RGS6: variants seen among roughly 807,000 people sequenced by gnomAD.
RGS6 encodes regulator of G protein signaling 6.
In RGS6, 30 loss-of-function variants were observed where a neutral mutation model predicts 78.5. That is an observed-to-expected ratio of 0.38 (90% CI 0.29 to 0.52). The LOEUF (loss-of-function observed/expected upper bound fraction) is 0.52, where lower values mean the gene tolerates loss of function less well. RGS6 is among the 20% of genes least tolerant of loss of function. The pLI is 0.85. For missense variants in RGS6, 495 were observed against 609.7 expected, an observed-to-expected ratio of 0.81 and a Z score of 1.98; for synonymous variants, 206 against 206.0, an observed-to-expected ratio of 1.00 and a Z score of 0.00.
intron 2 of RGS6, among the ~76,000 whole-genome samples, chr14:72,329,524 G>C (rs2074530302): frequency 6.6e-6 from 1 of 152,242 alleles, no homozygotes. Flanking sequence ...GTCCTGAGTA[G>C]GCTTAAACTG....
At chr14:71,963,516 C>G (rs991177798) in intron 1 of RGS6, among the ~76,000 whole-genome samples, 2 of 152,156 alleles carry the variant, frequency 1.3e-5, no homozygotes, top group Non-Finnish European at 2.9e-5. Flanking sequence ...ATTCCATCCT[C>G]CCTGCAGCTA....
intron 2 of RGS6, among the ~76,000 whole-genome samples, chr14:72,123,910 A>G (rs2096122344): frequency 6.6e-6 from 1 of 152,200 alleles, no homozygotes; most frequent in Admixed American, 6.6e-5. Flanking sequence ...TCATTTGCTG[A>G]AGGACTGAGT....
intron 2 of RGS6, among the ~76,000 whole-genome samples, chr14:72,215,816 A>G (rs1567493286): frequency 6.6e-6 from 1 of 152,238 alleles, no homozygotes; most frequent in East Asian, 1.9e-4. Context: ...TAAGAACATA[A>G]AGTACATTGA....
chr14:72,517,553 A>T (rs4903030), intron 14 of RGS6, among the ~76,000 whole-genome samples: 85,877 of 152,086 alleles, frequency 0.56, 25,319 homozygotes, highest in East Asian at 0.88. Context: ...TCTTGCTCTC[A>T]GCAGAAGGAG....
the RGS6 span, among the ~76,000 whole-genome samples, chr14:71,924,906 A>T: frequency 1.3e-5 from 2 of 152,228 alleles, no homozygotes; most frequent in Non-Finnish European, 2.9e-5. Context: ...TCTCTTCAGC[A>T]TCATGGATTT....
At chr14:72,359,153 G>A (rs1211606474) in intron 3 of RGS6, among the ~76,000 whole-genome samples, 3 of 152,138 alleles carry the variant, frequency 2.0e-5, no homozygotes, top group Non-Finnish European at 2.9e-5. Flanking sequence ...TGTACTGTCT[G>A]TCAATTAAAC....
intron 2 of RGS6, among the ~76,000 whole-genome samples, chr14:72,214,678 G>C (rs758221991): frequency 2.1e-4 from 32 of 152,200 alleles, no homozygotes; most frequent in Non-Finnish European, 3.8e-4. Context: ...GGTCAGGAAA[G>C]TTGGGTGCAG....
In RGS6 at chr14:72,454,807, A is replaced by G. The variant is rs144843877; in HGVS notation, c.235+229A>G. 2.4e-3 allele frequency among the ~76,000 whole-genome samples: 362 copies of G among 152,374 alleles called. 1 individual carries two copies. Among genetic ancestry groups the G allele is most frequent in the African/African-American group, 8.3e-3 (346 of 41,580 alleles). On this transcript the variant is annotated intron_variant, in intron 4 of 17. Transcript: ENST00000553525. ...AAATGAGCAACTTTTTAGAATGCCA[A>G]AGAGCCCAATACAATAATGTGTGAA... is the stretch of plus-strand genomic sequence containing the variant.
Position 72,331,306 on chromosome 14 carries a change from A to G in RGS6, c.85-20789A>G, listed in dbSNP as rs188846179. ...TTTGAACACTTTCCTTACAGTGCGT[A>G]GCAGTTTGTTAGAGAGGTGGGCAGG... On this transcript the variant is annotated intron_variant, in intron 2 of 17. Transcript: ENST00000553525. Among the ~76,000 whole-genome samples, 333 of 151,950 alleles carry G rather than the reference A, an allele frequency of 2.2e-3. 1 individual carries two copies. The highest frequency in any genetic ancestry group is 6.8e-3 in the Middle Eastern group (2 of 294).
intron 3 of RGS6, among the ~76,000 whole-genome samples, chr14:72,379,720 T>C (rs2085577603): frequency 6.6e-6 from 1 of 152,082 alleles, no homozygotes; most frequent in African/African-American, 2.4e-5. Context: ...ATAAGAAGAA[T>C]TAACATTGTT....
At chr14:72,034,896 T>C (rs988302611) in intron 2 of RGS6, among the ~76,000 whole-genome samples, 4 of 152,194 alleles carry the variant, frequency 2.6e-5, no homozygotes, top group African/African-American at 9.6e-5. Context: ...TTTCAGGTAC[T>C]GGCAGTCAAC....
the RGS6 span, among the ~76,000 whole-genome samples, chr14:71,882,073 A>C: frequency 6.6e-6 from 1 of 152,176 alleles, no homozygotes; most frequent in African/African-American, 2.4e-5. Context: ...GCCATCCCAG[A>C]CTGAAATTCT....
At chr14:71,990,712 T>C (rs1448076371) in intron 2 of RGS6, 4 of 455,926 alleles carry the variant, frequency 8.8e-6, no homozygotes, top group Non-Finnish European at 1.8e-5. Context: ...GGCCATCTCC[T>C]CCTCTCTACA....
At chr14:72,420,882 T>A (rs1370918229) in intron 3 of RGS6, 1 of 152,246 alleles carries the variant, frequency 6.6e-6, no homozygotes, top group Non-Finnish European at 1.5e-5. Context: ...GCAGTTTTTC[T>A]TAACTGAAGG....
intron 2 of RGS6, among the ~76,000 whole-genome samples, chr14:72,139,946 G>T (rs2096513764): frequency 6.6e-6 from 1 of 152,050 alleles, no homozygotes; most frequent in South Asian, 2.1e-4. Flanking sequence ...TTGACTCTCA[G>T]TTATTTCAAT....
intron 3 of RGS6, among the ~76,000 whole-genome samples, chr14:72,353,479 CTA>C (rs1256050012): frequency 6.6e-6 from 1 of 152,142 alleles, no homozygotes; most frequent in Non-Finnish European, 1.5e-5. Context: ...AGGTTACATG[CTA>C]TGTGATTTCA....
chr14:72,123,244 C>T (rs1406284934), intron 2 of RGS6, among the ~76,000 whole-genome samples: 1 of 152,218 alleles, frequency 6.6e-6, no homozygotes, highest in East Asian at 1.9e-4. Flanking sequence ...GTCACAGTGT[C>T]CAGCCAGGAT....
In RGS6 at chr14:72,198,840, A is replaced by G. The variant is rs139825620; in HGVS notation, c.85-153255A>G. Among the ~76,000 whole-genome samples, 5 of 152,364 alleles carry G rather than the reference A, an allele frequency of 3.3e-5. No individual in the cohort carries two copies. The East Asian group carries it at 9.6e-4, about 29-fold the overall frequency. On this transcript the variant is annotated intron_variant, in intron 2 of 17. Transcript: ENST00000553525. ...ACAAAGTATATTCAAAGCCTATAAAAGAAAAGAGACAGAGAGAGGAAAGTG... is the reference window on the plus strand; with the variant it reads ...ACAAAGTATATTCAAAGCCTATAAAGGAAAAGAGACAGAGAGAGGAAAGTG...
At chr14:72,014,695 G>A (rs1461904761) in intron 2 of RGS6, among the ~76,000 whole-genome samples, 1 of 152,174 alleles carries the variant, frequency 6.6e-6, no homozygotes, top group East Asian at 1.9e-4. Context: ...TGCCAGATAG[G>A]CACGTTCCCA....
Sources: allele counts gnomAD v4.1 joint callset (sites outside exome capture counted in the v4.1 genomes callset), GRCh38; gene constraint gnomAD v4.1.1; transcripts MANE v1.5; gene names NCBI Gene and HGNC (gene_info 2026-07-23, HGNC 2026-07-21).